Variants in NAMPT observed in about 807,000 individuals in gnomAD.
NAMPT encodes the protein nicotinamide phosphoribosyltransferase, also known as NAmPRTase.
In NAMPT, 7 loss-of-function variants were observed where a neutral mutation model predicts 58.7. The ratio of observed to expected loss-of-function variants is 0.12; its 90% confidence interval spans 0.07 to 0.22. The LOEUF (loss-of-function observed/expected upper bound fraction) is 0.22, where lower values mean the gene tolerates loss of function less well. Ranked by LOEUF, NAMPT falls within the 10% of genes least tolerant of loss-of-function variation. The pLI is 1.00. For missense variants in NAMPT, 271 were observed against 567.9 expected (o/e 0.48, Z 5.31); for synonymous variants, 145 against 198.1 (o/e 0.73, Z 2.25).
intron 8 of NAMPT, among the ~76,000 whole-genome samples, chr7:106,257,159 G>A (rs1178213303): frequency 1.3e-4 from 20 of 151,512 alleles, no homozygotes; most frequent in African/African-American, 4.8e-5. Flanking sequence ...AAAAAAAAGA[G>A]AAAAAGATAT....
In NAMPT at chr7:106,277,324, TA is replaced by T. The variant is rs925267323; in HGVS notation, c.58-146del. ...AGTTTCTTTTCCTGGCTATACCAAATAAAAAATAAGTATCTAAGATATTTTC... is the reference window on the plus strand; with the variant it reads ...AGTTTCTTTTCCTGGCTATACCAAATAAAAATAAGTATCTAAGATATTTTC... On this transcript the variant is annotated intron_variant, in intron 1 of 10. Transcript: ENST00000222553. 6.0e-6 allele frequency: 4 copies of T among 668,278 alleles called. No homozygotes were observed. In the African/African-American group the frequency reaches 7.3e-5, roughly 12 times the overall value. 41.4% of individuals were successfully genotyped at this position (668,278 alleles called of 1,614,324 possible).
Position 106,251,073 on chromosome 7 carries a change from G to A in NAMPT, c.*10C>T, listed in dbSNP as rs773125020. The stretch of plus-strand genomic sequence containing the variant: ...ATTACATACACACAACACACACCCA[G>A]TCATAAAGCCTAATGATGTGCTGCT... On this transcript the variant is annotated 3_prime_UTR_variant, in exon 11 of 11. Transcript: ENST00000222553. 2.0e-6 allele frequency: 3 copies of A among 1,493,444 alleles called. No homozygotes were observed. In the Admixed American group the frequency reaches 5.0e-5, roughly 25 times the overall value. 92.5% of individuals were successfully genotyped at this position (1,493,444 alleles called of 1,614,324 possible). A position where few individuals can be genotyped will look rare whatever the true frequency, so the allele number is the denominator to read the frequency against.
chr7:106,260,587 CCTA>C (rs1792285410), intron 8 of NAMPT, among the ~76,000 whole-genome samples: 1 of 152,188 alleles, frequency 6.6e-6, no homozygotes, highest in African/African-American at 2.4e-5. Context: ...CACAACTTGG[CCTA>C]CTGTTTGCCT....
At position 106,271,361 on chromosome 7, in the gene NAMPT, C is replaced by T. The variant is rs114072353; in HGVS notation, c.447+1169G>A. Among the ~76,000 whole-genome samples the T allele has an allele frequency of 2.4e-3, 371 of 152,242 alleles. 3 individuals are homozygous for T. Among genetic ancestry groups the T allele is most frequent in the African/African-American group, 8.4e-3 (350 of 41,534 alleles). ...TTCATGATTCCTTTAGACAGAATTA[C>T]CTATTTCCTGCTACCAACTCAGCAC... On this transcript the variant is annotated intron_variant, in intron 4 of 10. Transcript: ENST00000222553.
rs1484101757 is a variant in NAMPT at position 106,281,213 on chromosome 7, A to T, written c.57+3615T>A. The stretch of plus-strand genomic sequence containing the variant: ...TAAATATCCTTGTTCCAAGTATGAC[A>T]GTTTTTTTAAAAAAGTATGAGATAT... On this transcript the variant is annotated intron_variant, in intron 1 of 10. Coordinates refer to ENST00000222553, the MANE Select transcript of NAMPT (RefSeq NM_005746.3). Among the ~76,000 whole-genome samples, 4 of 151,960 alleles carry T rather than the reference A, an allele frequency of 2.6e-5. No homozygotes were observed. The East Asian group carries it at 7.7e-4, about 29-fold the overall frequency.
At chr7:106,275,537 C>A (rs1409580438) in intron 2 of NAMPT, 1 of 152,696 alleles carries the variant, frequency 6.5e-6, no homozygotes, top group Non-Finnish European at 1.5e-5. Flanking sequence ...AGTCGAGTAC[C>A]CACTTATATG....
At chr7:106,256,051 T>C (rs1282419835) in intron 8 of NAMPT, among the ~76,000 whole-genome samples, 1 of 152,214 alleles carries the variant, frequency 6.6e-6, no homozygotes, top group African/African-American at 2.4e-5. Context: ...AAAGTGAATT[T>C]TGAGTCTGGG....
At chr7:106,257,095 G>A (rs1464542117) in intron 8 of NAMPT, among the ~76,000 whole-genome samples, 1 of 151,508 alleles carries the variant, frequency 6.6e-6, no homozygotes, top group Non-Finnish European at 1.5e-5. Flanking sequence ...AGTGAGCTGA[G>A]ATTGTGCCAC....
At chr7:106,277,970 C>T (rs1259278920) in intron 1 of NAMPT, among the ~76,000 whole-genome samples, 2 of 151,900 alleles carry the variant, frequency 1.3e-5, no homozygotes, top group East Asian at 1.9e-4. Flanking sequence ...AACATTTTAC[C>T]AATAAAAAAT....
At chr7:106,264,370 C>T (rs187587120) in intron 6 of NAMPT, among the ~76,000 whole-genome samples, 6 of 151,936 alleles carry the variant, frequency 3.9e-5, no homozygotes, top group South Asian at 2.1e-4. Context: ...TCAGTTCTTA[C>T]GGGATAGATT....
At chr7:106,254,061 T>C (rs1792151995) in intron 9 of NAMPT, among the ~76,000 whole-genome samples, 1 of 152,134 alleles carries the variant, frequency 6.6e-6, no homozygotes, top group Admixed American at 6.6e-5. Flanking sequence ...CTGACATTCC[T>C]ACTCAAATAT....
At chr7:106,273,429 A>G (rs1285615593) in intron 3 of NAMPT, among the ~76,000 whole-genome samples, 1 of 152,224 alleles carries the variant, frequency 6.6e-6, no homozygotes, top group African/African-American at 2.4e-5. Context: ...GTAATTAAAT[A>G]CAAGAAAAAT....
At chr7:106,280,679 T>G (rs1263868252) in intron 1 of NAMPT, among the ~76,000 whole-genome samples, 1 of 152,110 alleles carries the variant, frequency 6.6e-6, no homozygotes, top group Admixed American at 6.5e-5. Flanking sequence ...CGGTGGCTCA[T>G]GCCTGTAATC....
At chr7:106,284,738 AC>A in intron 1 of NAMPT, 89 bp downstream of exon 1, 1 of 486,000 alleles carries the variant, frequency 2.1e-6, no homozygotes, top group Non-Finnish European at 2.9e-6. Context: ...CCCAGCCCCA[AC>A]CCCAGCCCCA....
chr7:106,266,965 T>G (rs994993415), intron 6 of NAMPT, among the ~76,000 whole-genome samples: 7 of 152,146 alleles, frequency 4.6e-5, no homozygotes, highest in African/African-American at 1.7e-4. Context: ...TCCCCTACGC[T>G]CCCTACAAAA....
chr7:106,266,397 G>A (rs1046246036), intron 6 of NAMPT, among the ~76,000 whole-genome samples: 1 of 152,132 alleles, frequency 6.6e-6, no homozygotes, highest in Admixed American at 6.5e-5. Context: ...TCTAATATGT[G>A]CATACTATGT....
chr7:106,285,167 GC>G (rs1792849020), upstream of NAMPT: 1 of 1,242,656 alleles, frequency 8.0e-7, no homozygotes, highest in Admixed American at 4.0e-5. Flanking sequence ...CCCTCCGGGG[GC>G]CGAGAAAGGG....
At chr7:106,261,803 A>G in intron 7 of NAMPT, 96 bp from the exon 8 acceptor site, 2 of 1,324,388 alleles carry the variant, frequency 1.5e-6, no homozygotes, top group East Asian at 2.3e-5. Flanking sequence ...GATAATCGAG[A>G]ATATAAAAAT....
intron 8 of NAMPT, among the ~76,000 whole-genome samples, chr7:106,256,151 T>A (rs186830175): frequency 6.6e-5 from 10 of 152,318 alleles, no homozygotes; most frequent in African/African-American, 2.4e-4. Flanking sequence ...TTTTAATAAA[T>A]CACTCCAATA....
Sources: gnomAD v4.1 joint callset for allele counts (sites outside exome capture counted in the v4.1 genomes callset) on GRCh38, gnomAD v4.1.1 for gene constraint, MANE v1.5 for transcripts, NCBI Gene and HGNC (gene_info 2026-07-23, HGNC 2026-07-21) for gene names.